The following WASHC2C variants were observed in gnomAD, a reference collection of about 807,000 sequenced individuals.
WASHC2C encodes the protein WASH complex subunit 2C.
WASHC2C carries 73 observed loss-of-function variants against 142.2 expected under a neutral mutation model. That is an observed-to-expected ratio of 0.51 (90% CI 0.43 to 0.62). WASHC2C has a LOEUF of 0.62. Ranked by LOEUF, WASHC2C falls within the 20% of genes least tolerant of loss-of-function variation. The probability of loss-of-function intolerance (pLI) is 0.00; values close to 1 mark genes in which losing one functional copy is unlikely to be tolerated. For synonymous variants in WASHC2C, 337 were observed against 565.5 expected (o/e 0.60, Z 5.73); for missense variants, 969 against 1,531.7 (o/e 0.63, Z 6.13).
Position 45,727,493 on chromosome 10 carries a change from A to T in WASHC2C, c.80A>T (p.Glu27Val). The T allele has an allele frequency of 4.4e-6, 7 of 1,606,062 alleles. No homozygotes were observed. The highest frequency in any genetic ancestry group is 1.3e-5 in the African/African-American group (1 of 74,886). Residue 27 changes from glutamate (E) to valine (V), a missense_variant, in exon 2 of 31, where the codon GAG becomes GTG. Physicochemically the swap from Glu to Val is moderately radical, Grantham distance 121. Transcript: ENST00000623400. ...TGGGAGCGGCCGTGGTCGGTGGAGG[A>T]GATCCGCAGGAGCAGCCAGAGCTGG... ...PVWERPWSVE[E>V]IRRSSQSWSL...
intron 3 of WASHC2C, among the ~76,000 whole-genome samples, chr10:45,731,899 A>AT (rs2050647873): frequency 6.9e-6 from 1 of 144,572 alleles, no homozygotes; most frequent in Non-Finnish European, 1.5e-5. Flanking sequence ...GGTTCATGCC[A>AT]TTCTCCTGCC....
At chr10:45,738,680 A>G (rs561005850) in intron 4 of WASHC2C, among the ~76,000 whole-genome samples, 1 of 152,232 alleles carries the variant, frequency 6.6e-6, no homozygotes, top group East Asian at 1.9e-4. Flanking sequence ...TTTTTAAAAA[A>G]GTTATTTTAT....
Position 45,769,569 on chromosome 10 carries a change from C to A in WASHC2C, c.1990C>A (p.Leu664Ile), listed in dbSNP as rs781965028. 1 of 1,611,924 alleles carries A rather than the reference C, an allele frequency of 6.2e-7. No individual in the cohort carries two copies. Among genetic ancestry groups the A allele is most frequent in the East Asian group, 2.2e-5 (1 of 44,854 alleles). Residue 664 changes from leucine to isoleucine, a missense_variant, in exon 20 of 31, where the codon CTC becomes ATC. Coordinates refer to ENST00000623400, the MANE Select transcript of WASHC2C (RefSeq NM_001330074.2). ...QEAKAVKKTS[L>I]FEEDKEDDLF... ...GGCCAAGGCTGTGAAAAAGACCAGT[C>A]TCTTTGAGGAAGACAAAGAAGATGA...
intron 3 of WASHC2C, among the ~76,000 whole-genome samples, chr10:45,730,705 C>T (rs1268632819): frequency 1.3e-5 from 2 of 151,358 alleles, no homozygotes; most frequent in East Asian, 1.9e-4. Context: ...CTGCAAGCTC[C>T]GCCTCCCGGG....
intron 27 of WASHC2C, 32 bp from the exon 28 acceptor site, chr10:45,787,003 A>G (rs1554890465): frequency 1.3e-6 from 2 of 1,596,906 alleles, no homozygotes; most frequent in Non-Finnish European, 1.7e-6. Context: ...TGTGTTGAAG[A>G]ACAAATACAG....
upstream of WASHC2C, chr10:45,727,244 G>T: frequency 6.5e-7 from 1 of 1,530,552 alleles, no homozygotes; most frequent in Non-Finnish European, 8.8e-7. Flanking sequence ...GCTTGGCTGG[G>T]GCTAGGCTTC....
At chr10:45,753,961 G>A (rs2053925041) in intron 13 of WASHC2C, among the ~76,000 whole-genome samples, 1 of 151,434 alleles carries the variant, frequency 6.6e-6, no homozygotes, top group African/African-American at 2.4e-5. Context: ...CTTGGAGGCC[G>A]CTCCTTGTGC....
chr10:45,727,155 C>T (rs2049939065), upstream of WASHC2C: 14 of 1,440,026 alleles, frequency 9.7e-6, no homozygotes, highest in Non-Finnish European at 1.1e-5. Context: ...AGCTTCCTCC[C>T]CTCAGCATCG....
Position 45,758,164 on chromosome 10 carries a change from G to C in WASHC2C, c.1548+1025G>C, listed in dbSNP as rs545084440. Among the ~76,000 whole-genome samples the C allele has an allele frequency of 2.0e-5, 3 of 152,078 alleles. No individual in the cohort carries two copies. The South Asian group carries it at 6.2e-4, about 32-fold the overall frequency. ...AATAGATTCAGGGTGAGAAGTTTTG[G>C]CAAGAATACAAGCAGGCAGGGTTGT... On this transcript the variant is annotated intron_variant, in intron 16 of 30. Transcript: ENST00000623400.
chr10:45,765,904 C>T (rs575387109), intron 19 of WASHC2C, 94 bp downstream of exon 19: 26 of 1,521,824 alleles, frequency 1.7e-5, no homozygotes, highest in Admixed American at 1.1e-4. Context: ...TTTTATATCT[C>T]GTGATGTTCA....
chr10:45,732,183 T>C (rs574931219), intron 3 of WASHC2C, among the ~76,000 whole-genome samples: 1 of 152,236 alleles, frequency 6.6e-6, no homozygotes, highest in Non-Finnish European at 1.5e-5. Flanking sequence ...CCATTTGGTT[T>C]CATGGTAATT....
chr10:45,736,248 C>CA (rs1309213949), intron 3 of WASHC2C, among the ~76,000 whole-genome samples: 4 of 150,078 alleles, frequency 2.7e-5, no homozygotes, highest in Non-Finnish European at 5.9e-5. Flanking sequence ...ACTAAAAATA[C>CA]AAAAAAAATT....
intron 21 of WASHC2C, among the ~76,000 whole-genome samples, chr10:45,773,892 CAA>C (rs71023148): frequency 0.066 from 2,038 of 30,884 alleles, 11 homozygotes; most frequent in African/African-American, 0.11. Flanking sequence ...TACTGCAGGC[CAA>C]AAAAAAAAAA....
At chr10:45,742,980 T>C (rs1406513501) in intron 5 of WASHC2C, among the ~76,000 whole-genome samples, 1 of 151,672 alleles carries the variant, frequency 6.6e-6, no homozygotes, top group Middle Eastern at 3.2e-3. Context: ...GTTCAAGTGA[T>C]TCTCCTGCCT....
chr10:45,729,033 T>C lies in WASHC2C; in HGVS notation c.291+7T>C, dbSNP rs1554861286. 5 of 1,608,610 alleles carry C rather than the reference T, an allele frequency of 3.1e-6. No individual in the cohort carries two copies. In the South Asian group the frequency reaches 5.6e-5, roughly 18 times the overall value. On this transcript the variant is annotated splice_region_variant and intron_variant, in intron 3 of 30. Transcript: ENST00000623400. ...TACCCAGTTCATAGAGAATGTGAGT[T>C]ATTTAGTTATATTATAATTCCTTTT...
At chr10:45,791,243 A>G (rs2058377119) in intron 30 of WASHC2C, among the ~76,000 whole-genome samples, 1 of 152,192 alleles carries the variant, frequency 6.6e-6, no homozygotes, top group Admixed American at 6.5e-5. Context: ...AGCAAGCCGT[A>G]TGCTCTGTCT....
At chr10:45,728,706 A>T (rs2050200566) in intron 2 of WASHC2C, among the ~76,000 whole-genome samples, 156 bp from the exon 3 acceptor site, 1 of 151,926 alleles carries the variant, frequency 6.6e-6, no homozygotes, top group Non-Finnish European at 1.5e-5. Flanking sequence ...ACTCCAGCCC[A>T]GGCAACAGAG....
chr10:45,784,283 T>C (rs1358636683), intron 23 of WASHC2C, among the ~76,000 whole-genome samples: 295 of 8,058 alleles, frequency 0.037, 11 homozygotes, highest in South Asian at 0.062. Flanking sequence ...TATATATATA[T>C]ATATATACAC....
In WASHC2C at chr10:45,754,999, A is replaced by G; in HGVS notation, c.1304A>G (p.Gln435Arg). ...PSLKEPQKPEQPTPRKSPYGP... is the reference protein window; with the variant it reads ...PSLKEPQKPERPTPRKSPYGP... Reference sequence around the variant, plus strand: ...CTGAAGGAGCCACAGAAGCCTGAGCAGCCCACTCCAAGGAAAAGCCCCTAT... The same window carrying G: ...CTGAAGGAGCCACAGAAGCCTGAGCGGCCCACTCCAAGGAAAAGCCCCTAT... The change falls in exon 15 of 31, where the codon CAG becomes CGG. Residue 435 changes from glutamine to arginine, a missense_variant. Coordinates refer to ENST00000623400, the MANE Select transcript of WASHC2C (RefSeq NM_001330074.2). The G allele has an allele frequency of 6.2e-7, 1 of 1,611,996 alleles. No individual in the cohort carries two copies. Among genetic ancestry groups the G allele is most frequent in the Non-Finnish European group, 8.5e-7 (1 of 1,179,860 alleles).
Sources: gnomAD v4.1 joint callset for allele counts (sites outside exome capture counted in the v4.1 genomes callset) on GRCh38, gnomAD v4.1.1 for gene constraint, MANE v1.5 for transcripts, NCBI Gene and HGNC (gene_info 2026-07-23, HGNC 2026-07-21) for gene names.